The following NDUFB5 variants were observed in gnomAD, a reference collection of about 807,000 sequenced individuals.
The protein encoded by NDUFB5 is NADH:ubiquinone oxidoreductase subunit B5, also known as NADH dehydrogenase [ubiquinone] 1 beta subcomplex subunit 5, mitochondrial.
Under a neutral mutation model 19.4 loss-of-function variants are expected in NDUFB5, and 19 were observed. That is an observed-to-expected ratio of 0.98 (90% CI 0.68 to 1.43). The LOEUF (loss-of-function observed/expected upper bound fraction) is 1.43, where lower values mean the gene tolerates loss of function less well. Ranked by LOEUF, NDUFB5 falls within the 40% of genes most tolerant of loss-of-function variation. The pLI, the probability that NDUFB5 is intolerant of heterozygous loss-of-function variation, is 0.00. For missense variants in NDUFB5, 233 were observed against 236.5 expected (o/e 0.99, Z 0.10); for synonymous variants, 80 against 82.6 (o/e 0.97, Z 0.17).
At chr3:179,609,685 G>A (rs1440741810) in intron 1 of NDUFB5, among the ~76,000 whole-genome samples, 1 of 152,094 alleles carries the variant, frequency 6.6e-6, no homozygotes, top group African/African-American at 2.4e-5. Context: ...ATTTTCCATA[G>A]CAACAATACC....
In NDUFB5 at chr3:179,618,604, A is replaced by G. The variant is rs1719445083; in HGVS notation, c.449+83A>G. 4.5e-6 allele frequency: 4 copies of G among 887,870 alleles called. No homozygotes were observed. The Admixed American group carries it at 9.0e-5, about 20-fold the overall frequency. 55.0% of individuals were successfully genotyped at this position (887,870 alleles called of 1,614,324 possible). A position where few individuals can be genotyped will look rare whatever the true frequency, so the allele number is the denominator to read the frequency against. The stretch of plus-strand genomic sequence containing the variant: ...AGAAAAAATTAATAAAACTATGAAT[A>G]TTTCAGCACTATAGGATACTTTATG... On this transcript the variant is annotated intron_variant, in intron 5 of 5. Coordinates refer to ENST00000259037, the MANE Select transcript of NDUFB5 (RefSeq NM_002492.4).
In NDUFB5 at chr3:179,625,365, T is replaced by G. The variant is rs891316980; in HGVS notation, c.*1325T>G. ...ACTTAAGGCCAAATGGAGAAATAAT[T>G]TTTTGCTGCCTAAACACACAAGTGA... On this transcript the variant is annotated 3_prime_UTR_variant, in exon 6 of 6. Coordinates refer to ENST00000259037, the MANE Select transcript of NDUFB5 (RefSeq NM_002492.4). 3.9e-5 allele frequency: 6 copies of G among 152,114 alleles called. No homozygotes were observed. The highest frequency in any genetic ancestry group is 6.6e-5 in the Admixed American group (1 of 15,264). The allele number at this position is 152,114 out of a possible 1,614,324, so 9.4% of individuals were successfully genotyped here. A position where few individuals can be genotyped will look rare whatever the true frequency, so the allele number is the denominator to read the frequency against.
intron 2 of NDUFB5, chr3:179,615,561 A>G (rs934305753): frequency 4.3e-6 from 2 of 461,742 alleles, no homozygotes; most frequent in Non-Finnish European, 8.7e-6. Context: ...TCAAGGCTCT[A>G]TACGAACAAA....
At chr3:179,610,320 C>G (rs1439873268) in intron 1 of NDUFB5, among the ~76,000 whole-genome samples, 1 of 152,138 alleles carries the variant, frequency 6.6e-6, no homozygotes, top group Admixed American at 6.5e-5. Context: ...TTTCAAACTC[C>G]TGGGCTCAAG....
chr3:179,623,554 G>A (rs1719588965), intron 5 of NDUFB5, among the ~76,000 whole-genome samples: 1 of 152,048 alleles, frequency 6.6e-6, no homozygotes, highest in Non-Finnish European at 1.5e-5. Flanking sequence ...GGCCCCTGTA[G>A]TCCCAGCTAC....
chr3:179,609,001 C>T (rs1349207794), intron 1 of NDUFB5, among the ~76,000 whole-genome samples: 1 of 152,188 alleles, frequency 6.6e-6, no homozygotes, highest in East Asian at 1.9e-4. Context: ...TGTAAAGCTT[C>T]ACTTAACATC....
intron 4 of NDUFB5, among the ~76,000 whole-genome samples, chr3:179,617,828 G>A (rs1719421904): frequency 3.9e-5 from 6 of 152,110 alleles, no homozygotes; most frequent in Admixed American, 3.9e-4. Flanking sequence ...TTCAACCCGG[G>A]CAACTTTGAC....
At chr3:179,610,886 A>G (rs111759352) in intron 1 of NDUFB5, among the ~76,000 whole-genome samples, 169 of 152,372 alleles carry the variant, frequency 1.1e-3, no homozygotes, top group African/African-American at 3.8e-3. Flanking sequence ...ATATGGATGT[A>G]TAAACAGAGT....
chr3:179,620,316 T>G (rs1719501785), intron 5 of NDUFB5, among the ~76,000 whole-genome samples: 2 of 151,768 alleles, frequency 1.3e-5, no homozygotes, highest in Admixed American at 1.3e-4. Context: ...TCTTCTGGGG[T>G]TTTTATGGTT....
chr3:179,608,298 T>C (rs967109906), intron 1 of NDUFB5, among the ~76,000 whole-genome samples: 10 of 152,072 alleles, frequency 6.6e-5, no homozygotes, highest in Non-Finnish European at 1.2e-4. Flanking sequence ...TTCAGGCGAT[T>C]CTCCTGCCTC....
chr3:179,619,848 T>C (rs1576884384), intron 5 of NDUFB5, among the ~76,000 whole-genome samples: 1 of 152,290 alleles, frequency 6.6e-6, no homozygotes, highest in South Asian at 2.1e-4. Context: ...CTCCACATCC[T>C]CTCCAGCACC....
chr3:179,608,267 C>G (rs1258328169), intron 1 of NDUFB5, among the ~76,000 whole-genome samples: 2 of 151,884 alleles, frequency 1.3e-5, no homozygotes, highest in Admixed American at 1.3e-4. Context: ...TTGGCTCACA[C>G]AGCCATCTCT....
intron 1 of NDUFB5, among the ~76,000 whole-genome samples, chr3:179,614,525 T>C (rs375440284): frequency 1.1e-3 from 171 of 152,274 alleles, no homozygotes; most frequent in African/African-American, 3.7e-3. Flanking sequence ...TAGCAAATAT[T>C]TGTTGCAGAG....
At chr3:179,616,936 A>G (rs200237877) in intron 3 of NDUFB5, 47 bp from the exon 4 acceptor site, 52 of 1,428,128 alleles carry the variant, frequency 3.6e-5, no homozygotes, top group Middle Eastern at 1.8e-4. Flanking sequence ...AATTAATTTT[A>G]TAAACTCCTC....
At position 179,618,469 on chromosome 3, in the gene NDUFB5, T is replaced by C. The variant is rs4147793; in HGVS notation, c.397T>C (p.Tyr133His). The change falls in exon 5 of 6, where the codon TAT (tyrosine) becomes CAT (histidine). Residue 133 changes from tyrosine to histidine, a missense_variant. Coordinates refer to ENST00000259037, the MANE Select transcript of NDUFB5 (RefSeq NM_002492.4). ...TTTCTATGATAGTCCTGAAAAGATA[T>C]ATGAAAGAACAATGGCCGTCCTTCA... ...RNFYDSPEKI[Y>H]ERTMAVLQIE... 2.3e-4 allele frequency: 377 copies of C among 1,612,320 alleles called. 2 individuals carry two copies. The East Asian group carries it at 7.0e-3, about 30-fold the overall frequency.
chr3:179,613,276 A>G (rs1468568969), intron 1 of NDUFB5, among the ~76,000 whole-genome samples: 1 of 152,288 alleles, frequency 6.6e-6, no homozygotes, highest in African/African-American at 2.4e-5. Context: ...CAGTCAATCA[A>G]GTACCCATTA....
At position 179,626,085 on chromosome 3, in the gene NDUFB5, A is replaced by G. The variant is rs1311658244; in HGVS notation, c.*2045A>G. The G allele has an allele frequency of 1.3e-5, 2 of 151,940 alleles. No homozygotes were observed. The highest frequency in any genetic ancestry group is 4.8e-5 in the African/African-American group (2 of 41,346). The allele number at this position is 151,940 out of a possible 1,614,324, so 9.4% of individuals were successfully genotyped here. A position where few individuals can be genotyped will look rare whatever the true frequency, so the allele number is the denominator to read the frequency against. On this transcript the variant is annotated 3_prime_UTR_variant, in exon 6 of 6. Transcript: ENST00000259037. ...AGCGTTCCCCTTTCTCCACATCCTC[A>G]CAAGCATTTGTTATTTTTTCTTTTT...
chr3:179,605,692 G>T (rs1306316037), intron 1 of NDUFB5, among the ~76,000 whole-genome samples: 3 of 151,922 alleles, frequency 2.0e-5, no homozygotes, highest in African/African-American at 7.3e-5. Flanking sequence ...TATTATGTTC[G>T]TTTTATACCA....
chr3:179,624,228 A>C lies in NDUFB5; in HGVS notation c.*188A>C. 2.4e-6 allele frequency: 1 copy of C among 419,010 alleles called. No homozygotes were observed. The allele number at this position is 419,010 out of a possible 1,614,324, so 26.0% of individuals were successfully genotyped here. ...AGTCCCCAAAGAAGGTTTAAAATGT[A>C]CTAATAAAAACTGGAGAAATAGGAA... On this transcript the variant is annotated 3_prime_UTR_variant, in exon 6 of 6. Coordinates refer to ENST00000259037, the MANE Select transcript of NDUFB5 (RefSeq NM_002492.4).
Sources: gnomAD v4.1 joint callset for allele counts (sites outside exome capture counted in the v4.1 genomes callset) on GRCh38, gnomAD v4.1.1 for gene constraint, MANE v1.5 for transcripts, NCBI Gene and HGNC (gene_info 2026-07-23, HGNC 2026-07-21) for gene names.